HSD17B12: variants seen among roughly 807,000 people sequenced by gnomAD.
HSD17B12 encodes the protein hydroxysteroid 17-beta dehydrogenase 12, also known as very-long-chain 3-oxoacyl-CoA reductase.
Under a neutral mutation model 39.3 loss-of-function variants are expected in HSD17B12, and 32 were observed. The observed-to-expected ratio is 0.81, with a 90% CI of 0.61 to 1.09. The LOEUF is 1.09. Among genes scored for constraint, HSD17B12 ranks in the 50% least tolerant of loss-of-function variants. HSD17B12 has a pLI of 0.00. For synonymous variants in HSD17B12, 150 were observed against 146.7 expected, an observed-to-expected ratio of 1.02 and a Z score of -0.16; for missense variants, 342 against 382.9, an observed-to-expected ratio of 0.89 and a Z score of 0.89.
chr11:43,796,806 C>T (rs1486811056), intron 3 of HSD17B12, among the ~76,000 whole-genome samples: 1 of 150,162 alleles, frequency 6.7e-6, no homozygotes, highest in African/African-American at 2.4e-5. Flanking sequence ...TGAAGTTTTT[C>T]ATTTAATCAA....
chr11:43,794,042 T>G (rs1289524373), intron 3 of HSD17B12, among the ~76,000 whole-genome samples: 1 of 152,198 alleles, frequency 6.6e-6, no homozygotes, highest in African/African-American at 2.4e-5. Context: ...CCTCGAGCAG[T>G]TCATACCAGT....
chr11:43,677,002 A>C (rs1274288268), upstream of HSD17B12, among the ~76,000 whole-genome samples: 1 of 152,170 alleles, frequency 6.6e-6, no homozygotes, highest in East Asian at 1.9e-4. Flanking sequence ...GAGGACGAAG[A>C]GTGGTGGGCC....
At chr11:43,778,386 A>C (rs1361759613) in intron 3 of HSD17B12, among the ~76,000 whole-genome samples, 5 of 152,258 alleles carry the variant, frequency 3.3e-5, no homozygotes, top group Non-Finnish European at 7.3e-5. Flanking sequence ...ATGGATTCAC[A>C]GCCGAATTCT....
the HSD17B12 span, among the ~76,000 whole-genome samples, chr11:43,571,934 T>C: frequency 1.3e-5 from 2 of 152,236 alleles, no homozygotes; most frequent in African/African-American, 4.8e-5. Flanking sequence ...ACCCCCACCG[T>C]GCTAATGGCT....
the HSD17B12 span, among the ~76,000 whole-genome samples, chr11:43,558,320 CT>C: frequency 1.3e-5 from 2 of 152,162 alleles, no homozygotes; most frequent in Admixed American, 1.3e-4. Flanking sequence ...TCCCTTCTCC[CT>C]CCCCCGCGTC....
the HSD17B12 span, among the ~76,000 whole-genome samples, chr11:43,619,229 A>ATATATATATATAAATATATATATATT: frequency 8.1e-5 from 1 of 12,420 alleles, no homozygotes; most frequent in African/African-American, 2.3e-4. Flanking sequence ...TATATATATG[A>ATATATATATATAAATATATATATATT]TATATATATA....
chr11:43,695,872 G>A (rs1423464217), intron 1 of HSD17B12, among the ~76,000 whole-genome samples: 2 of 152,016 alleles, frequency 1.3e-5, no homozygotes, highest in Admixed American at 6.6e-5. Flanking sequence ...TTAAGTTCAG[G>A]GGTGCAAGTG....
the HSD17B12 span, among the ~76,000 whole-genome samples, chr11:43,584,095 C>T: frequency 1.3e-5 from 2 of 152,184 alleles, no homozygotes; most frequent in Admixed American, 6.5e-5. Context: ...CTCAGGCTCA[C>T]TCTGACCACA....
At chr11:43,784,806 C>A in intron 3 of HSD17B12, among the ~76,000 whole-genome samples, 1 of 152,198 alleles carries the variant, frequency 6.6e-6, no homozygotes, top group South Asian at 2.1e-4. Context: ...TGTACAGACA[C>A]ATGTGCCAAC....
chr11:43,711,113 G>T (rs1054287083), intron 1 of HSD17B12, among the ~76,000 whole-genome samples: 12 of 152,060 alleles, frequency 7.9e-5, no homozygotes, highest in African/African-American at 9.7e-5. Flanking sequence ...TCTTTTTAAA[G>T]TAGGTAAATA....
the HSD17B12 span, among the ~76,000 whole-genome samples, chr11:43,572,718 T>C: frequency 6.6e-6 from 1 of 152,214 alleles, no homozygotes; most frequent in African/African-American, 2.4e-5. Flanking sequence ...TAAATAAAGC[T>C]TCTTATGTAA....
At chr11:43,702,463 G>A (rs1308497673) in intron 1 of HSD17B12, among the ~76,000 whole-genome samples, 2 of 152,038 alleles carry the variant, frequency 1.3e-5, no homozygotes, top group Admixed American at 1.3e-4. Context: ...CTGGCTGAGG[G>A]GCTGTTGAGG....
chr11:43,815,031 C>T lies in HSD17B12; in HGVS notation c.392-406C>T, dbSNP rs1006930050. Among the ~76,000 whole-genome samples the T allele has an allele frequency of 8.5e-5, 13 of 152,178 alleles. 1 individual carries two copies. The South Asian group carries it at 1.9e-3, about 22-fold the overall frequency. On this transcript the variant is annotated intron_variant, in intron 4 of 10. Coordinates refer to ENST00000278353, the MANE Select transcript of HSD17B12 (RefSeq NM_016142.3). ...ACATGTTTTCTGAAAACTGTTATAA[C>T]TAGAACTCAAGTTTTCAGTATCCTG...
At chr11:43,696,539 G>A (rs1438715153) in intron 1 of HSD17B12, among the ~76,000 whole-genome samples, 1 of 152,224 alleles carries the variant, frequency 6.6e-6, no homozygotes, top group Non-Finnish European at 1.5e-5. Flanking sequence ...AGGCTGTGGA[G>A]AAATAGGAAC....
At chr11:43,758,993 G>A (rs1950534782) in intron 3 of HSD17B12, among the ~76,000 whole-genome samples, 1 of 152,162 alleles carries the variant, frequency 6.6e-6, no homozygotes, top group African/African-American at 2.4e-5. Flanking sequence ...CTAATTCGTG[G>A]ATCAGGCAGC....
rs1439991693 is a variant in HSD17B12 at position 43,851,815 on chromosome 11, G to A, written c.685-2900G>A. 5.3e-5 allele frequency among the ~76,000 whole-genome samples: 8 copies of A among 152,210 alleles called. No homozygotes were observed. The East Asian group carries it at 1.2e-3, about 22-fold the overall frequency. ...TAGAAATGGATACTGCCCAGTGATT[G>A]GATTCAGTTTTCTGTACCGTTTTGC... On this transcript the variant is annotated intron_variant, in intron 9 of 10. Transcript: ENST00000278353.
chr11:43,733,921 C>A, intron 1 of HSD17B12: 2 of 691,888 alleles, frequency 2.9e-6, no homozygotes, highest in South Asian at 1.5e-5. Flanking sequence ...GGAAGGGACT[C>A]ACTTTCTCAT....
At chr11:43,608,034 G>A in the HSD17B12 span, among the ~76,000 whole-genome samples, 1 of 152,172 alleles carries the variant, frequency 6.6e-6, no homozygotes, top group South Asian at 2.1e-4. Flanking sequence ...TCAGGAAGAT[G>A]AGGTGATGGT....
the HSD17B12 span, among the ~76,000 whole-genome samples, chr11:43,634,555 C>T: frequency 2.0e-5 from 3 of 152,184 alleles, no homozygotes; most frequent in Non-Finnish European, 4.4e-5. Context: ...CAAAACAACC[C>T]CATTTTAAAC....
Sources: gnomAD v4.1 joint callset for allele counts (sites outside exome capture counted in the v4.1 genomes callset) on GRCh38, gnomAD v4.1.1 for gene constraint, MANE v1.5 for transcripts, NCBI Gene and HGNC (gene_info 2026-07-23, HGNC 2026-07-21) for gene names.